Variants in SP140 observed in about 807,000 individuals in gnomAD.
The protein encoded by SP140 is nuclear body protein SP140.
A neutral mutation model predicts 125.0 loss-of-function variants in SP140; 81 were observed. The ratio of observed to expected loss-of-function variants is 0.65; its 90% CI spans 0.54 to 0.78. The LOEUF (loss-of-function observed/expected upper bound fraction) is 0.78. Ranked by LOEUF, SP140 falls within the 30% of genes least tolerant of loss-of-function variation. The probability of loss-of-function intolerance (pLI) is 0.00; values close to 1 mark genes in which losing one functional copy is unlikely to be tolerated. For missense variants in SP140, 858 were observed against 1,037.0 expected (o/e 0.83, Z 2.37); for synonymous variants, 312 against 354.0 (o/e 0.88, Z 1.33).
At chr2:230,200,933 CTTCA>C, upstream of SP140, 1 of 1,613,924 alleles carries the variant, frequency 6.2e-7, no homozygotes, top group Non-Finnish European at 8.5e-7. Context: ...GACCTCTTTC[CTTCA>C]TTCATTTCTG....
At chr2:230,242,086 G>A (rs2048808849) in intron 4 of SP140, among the ~76,000 whole-genome samples, 1 of 152,018 alleles carries the variant, frequency 6.6e-6, no homozygotes. Context: ...TGGAAAGAGA[G>A]GAAGTATAAG....
chr2:230,227,664 C>T lies in SP140; in HGVS notation c.59+1761C>T, dbSNP rs370578573. On this transcript the variant is annotated intron_variant, in intron 1 of 26. Transcript: ENST00000392045. Reference sequence around the variant, plus strand: ...CTTGTGCAAGTTTTGGTTAGTTTGCCTCTTAAAGAATTTGTTCATTTCATC... The same window carrying T: ...CTTGTGCAAGTTTTGGTTAGTTTGCTTCTTAAAGAATTTGTTCATTTCATC... Among the ~76,000 whole-genome samples the T allele has an allele frequency of 1.2e-4, 19 of 152,254 alleles. No individual in the cohort carries two copies. The East Asian group carries it at 3.3e-3, about 26-fold the overall frequency.
chr2:230,273,609 G>T (rs2054257303), intron 15 of SP140, among the ~76,000 whole-genome samples: 1 of 152,012 alleles, frequency 6.6e-6, no homozygotes, highest in Non-Finnish European at 1.5e-5. Context: ...TATACCCAAA[G>T]GAATATAAAT....
At chr2:230,188,822 T>C in the SP140 span, among the ~76,000 whole-genome samples, 1 of 152,236 alleles carries the variant, frequency 6.6e-6, no homozygotes, top group Non-Finnish European at 1.5e-5. Context: ...ATCCCTGGGA[T>C]TAAATCCACT....
rs373862935 is a variant in SP140 at position 230,237,245 on chromosome 2, C to T, written c.222C>T (p.Ser74=). 1.1e-4 allele frequency: 174 copies of T among 1,610,978 alleles called. No homozygotes were observed. Among genetic ancestry groups the T allele is most frequent in the Non-Finnish European group, 1.3e-4 (153 of 1,179,114 alleles). The change falls in exon 2 of 27, where the codon TCC becomes TCT. Residue 74 remains serine (S), a synonymous_variant. Coordinates refer to ENST00000392045, the MANE Select transcript of SP140 (RefSeq NM_007237.5). This position sits in a 1 kb window ranked among gnomAD's most constrained non-coding sequence, Gnocchi z 5.4. The part of the protein sequence containing the change: ...LMGLRDRSFI[S]EQMYEHFQEA... ...GCCTCCGAGACCGCTCCTTCATCTCCGAGCAGATGTATGAAGTAAGTAAGA... is the reference window on the plus strand; with the variant it reads ...GCCTCCGAGACCGCTCCTTCATCTCTGAGCAGATGTATGAAGTAAGTAAGA...
At chr2:230,222,974 G>C (rs1305577765), upstream of SP140, among the ~76,000 whole-genome samples, 1 of 151,280 alleles carries the variant, frequency 6.6e-6, no homozygotes, top group Non-Finnish European at 1.5e-5. Context: ...TTCTTTAGCA[G>C]GTATGCTAGC....
At chr2:230,294,233 A>C (rs1347849865) in intron 20 of SP140, 38 bp from the exon 21 acceptor site, 2 of 1,586,664 alleles carry the variant, frequency 1.3e-6, no homozygotes, top group African/African-American at 2.7e-5. Context: ...AAACGGAAAC[A>C]CAGGCTGACC....
chr2:230,188,501 TG>T, the SP140 span, among the ~76,000 whole-genome samples: 1 of 152,194 alleles, frequency 6.6e-6, no homozygotes, highest in Non-Finnish European at 1.5e-5. Flanking sequence ...CTGATTGTTC[TG>T]GCTAGGACTT....
In SP140 at chr2:230,253,342, G is replaced by C. The variant is rs750803183; in HGVS notation, c.1084G>C (p.Asp362His). 4 of 1,612,364 alleles carry C rather than the reference G, an allele frequency of 2.5e-6. No individual in the cohort carries two copies. Among genetic ancestry groups the C allele is most frequent in the Non-Finnish European group, 1.7e-6 (2 of 1,178,502 alleles). ...TTCTTGTTTATCTGCAGAGACCTTT[G>C]ATCTAAAGACTCCCCAAGTCACTAA... ...SVSCLSAETF[D>H]LKTPQVTNEG... is the part of the protein sequence containing the mutation. Residue 362 changes from aspartate to histidine, a missense_variant, in exon 11 of 27, where the codon GAT becomes CAT. By Grantham distance (81) the Asp-to-His change is moderately conservative. Around this residue, in one of 4 missense-constraint regions of SP140, gnomAD observed 791 missense variants for 869.5 expected, o/e 0.91. Transcript: ENST00000392045.
At chr2:230,216,547 T>C (rs2045198146) in intron 3 of SP140, among the ~76,000 whole-genome samples, 1 of 152,188 alleles carries the variant, frequency 6.6e-6, no homozygotes, top group African/African-American at 2.4e-5. Flanking sequence ...ATTTCTGTTG[T>C]TTTAAGCTAC....
At chr2:230,302,245 T>A (rs1007808076) in intron 22 of SP140, among the ~76,000 whole-genome samples, 31 of 149,630 alleles carry the variant, frequency 2.1e-4, no homozygotes, top group Non-Finnish European at 1.5e-5. Context: ...AAAAAAAAAA[T>A]TAGCTGGGCG....
At chr2:230,271,658 T>G (rs2053944092) in intron 15 of SP140, among the ~76,000 whole-genome samples, 1 of 152,128 alleles carries the variant, frequency 6.6e-6, no homozygotes, top group East Asian at 1.9e-4. Context: ...TGTGGTGTCT[T>G]TTGCTAATTA....
Position 230,237,113 on chromosome 2 carries a change from T to G in SP140, c.90T>G (p.Gly30=). Residue 30 remains glycine, a synonymous_variant, in exon 2 of 27, where the codon GGT becomes GGG. Coordinates refer to ENST00000392045, the MANE Select transcript of SP140 (RefSeq NM_007237.5). The surrounding 1 kb of genome is among the most constrained non-coding windows in gnomAD (Gnocchi z 5.4). ...RMVAEIQNVE[G]QNLQEQVCPE... ...TCGCAGAGATCCAGAACGTAGAGGG[T>G]CAGAACCTGCAGGAGCAGGTTTGCC... The G allele has an allele frequency of 1.9e-6, 3 of 1,606,948 alleles. No individual in the cohort carries two copies. Among genetic ancestry groups the G allele is most frequent in the Non-Finnish European group, 2.5e-6 (3 of 1,177,766 alleles).
intron 1 of SP140, among the ~76,000 whole-genome samples, chr2:230,227,204 G>A (rs972962037): frequency 6.6e-6 from 1 of 152,184 alleles, no homozygotes; most frequent in East Asian, 1.9e-4. Context: ...GCTACTTCTG[G>A]CGCTGGTACA....
Position 230,269,583 on chromosome 2 carries a change from A to G in SP140, c.1292A>G (p.Glu431Gly). The change falls in exon 13 of 27, where the codon GAG becomes GGG. Residue 431 changes from glutamate to glycine, a missense_variant. By Grantham distance (98) the Glu-to-Gly change is moderately conservative. This residue lies in a region of SP140 where 791 missense variants were observed against 869.5 expected (regional missense o/e 0.91). Coordinates refer to ENST00000392045, the MANE Select transcript of SP140 (RefSeq NM_007237.5). ...HPMNEEGESE[E>G]LASSLLYDNV... ...ATGAATGAAGAAGGAGAATCAGAAGAGCTTGCTTCTAGCCTGCTATATGAT... is the reference window on the plus strand; with the variant it reads ...ATGAATGAAGAAGGAGAATCAGAAGGGCTTGCTTCTAGCCTGCTATATGAT... 6.2e-7 allele frequency: 1 copy of G among 1,604,498 alleles called. No individual in the cohort carries two copies. The highest frequency in any genetic ancestry group is 8.5e-7 in the Non-Finnish European group (1 of 1,173,702).
intron 15 of SP140, among the ~76,000 whole-genome samples, chr2:230,281,971 G>A (rs2055636188): frequency 6.6e-6 from 1 of 152,160 alleles, no homozygotes; most frequent in African/African-American, 2.4e-5. Context: ...CAGGACCCAT[G>A]AAAAGGATGG....
At chr2:230,265,573 C>A (rs930854692) in intron 12 of SP140, among the ~76,000 whole-genome samples, 1 of 152,186 alleles carries the variant, frequency 6.6e-6, no homozygotes, top group Non-Finnish European at 1.5e-5. Context: ...TGGTGCCAGG[C>A]AGGAATGGCC....
At position 230,299,502 on chromosome 2, in the gene SP140, G is replaced by A. The variant is rs564530121; in HGVS notation, c.2058+2040G>A. Among the ~76,000 whole-genome samples, 14 of 152,296 alleles carry A rather than the reference G, an allele frequency of 9.2e-5. No homozygotes were observed. The East Asian group carries it at 2.5e-3, about 27-fold the overall frequency. ...ACTTTATCTCACAGTCCTTGGGGAG[G>A]GCAGCCAGTACAATTTGCAGAGAGC... is the stretch of plus-strand genomic sequence containing the variant. On this transcript the variant is annotated intron_variant, in intron 22 of 26. Coordinates refer to ENST00000392045, the MANE Select transcript of SP140 (RefSeq NM_007237.5).
At chr2:230,253,455 C>G in intron 11 of SP140, 38 bp downstream of exon 11, 1 of 1,485,878 alleles carries the variant, frequency 6.7e-7, no homozygotes, top group Non-Finnish European at 9.4e-7. Context: ...TTGAGTACAT[C>G]TTTGTTTTCC....
Sources: allele counts gnomAD v4.1 joint callset (sites outside exome capture counted in the v4.1 genomes callset), GRCh38; gene constraint gnomAD v4.1.1; regional missense constraint gnomAD v4.1.1; non-coding constraint Gnocchi (gnomAD v3.1); transcripts MANE v1.5; gene names NCBI Gene and HGNC (gene_info 2026-07-23, HGNC 2026-07-21).